Variants in GALNT13 observed in about 807,000 individuals in gnomAD.
GALNT13 encodes the protein polypeptide N-acetylgalactosaminyltransferase 13, also known as UDP-GalNAc:polypeptide N-acetylgalactosaminyltransferase 13.
Under a neutral mutation model 64.2 loss-of-function variants are expected in GALNT13, and 28 were observed. The observed-to-expected ratio is 0.44, with a 90% confidence interval of 0.32 to 0.60. GALNT13 has a LOEUF of 0.60. GALNT13 is among the 20% of genes least tolerant of loss of function. GALNT13 has a pLI of 0.05. For missense variants in GALNT13, 577 were observed against 669.8 expected (o/e 0.86, Z 1.53); for synonymous variants, 214 against 224.6 (o/e 0.95, Z 0.42).
At chr2:154,455,206 C>T (rs564081800), downstream of GALNT13, among the ~76,000 whole-genome samples, 2 of 152,230 alleles carry the variant, frequency 1.3e-5, no homozygotes, top group African/African-American at 2.4e-5. Context: ...TGAATTAGTT[C>T]GGTAAACCTC....
At chr2:153,489,163 C>T in the GALNT13 span, among the ~76,000 whole-genome samples, 1 of 152,052 alleles carries the variant, frequency 6.6e-6, no homozygotes. Flanking sequence ...AATTAATTAC[C>T]TATTAAATAA....
At chr2:153,896,672 A>G (rs748237249) in intron 1 of GALNT13, among the ~76,000 whole-genome samples, 1 of 152,050 alleles carries the variant, frequency 6.6e-6, no homozygotes, top group African/African-American at 2.4e-5. Context: ...TGTACAGATT[A>G]TATTGTCACC....
chr2:153,182,972 T>A, the GALNT13 span, among the ~76,000 whole-genome samples: 1 of 152,236 alleles, frequency 6.6e-6, no homozygotes, highest in African/African-American at 2.4e-5. Context: ...TTATGATTTA[T>A]ATTCCTTGGG....
intron 3 of GALNT13, among the ~76,000 whole-genome samples, chr2:154,087,162 G>T (rs1253902993): frequency 6.6e-6 from 1 of 151,268 alleles, no homozygotes; most frequent in African/African-American, 2.4e-5. Flanking sequence ...ACATATTTTT[G>T]TTCTTCTGAA....
the GALNT13 span, among the ~76,000 whole-genome samples, chr2:153,790,418 CTG>C: frequency 1.3e-5 from 2 of 150,490 alleles, no homozygotes; most frequent in Non-Finnish European, 3.0e-5. Flanking sequence ...TGTTAAAAAA[CTG>C]TCAATAAACT....
At chr2:153,443,012 A>T in the GALNT13 span, among the ~76,000 whole-genome samples, 1 of 152,126 alleles carries the variant, frequency 6.6e-6, no homozygotes, top group South Asian at 2.1e-4. Context: ...ACTGAGTTAG[A>T]CCACTTGGCT....
chr2:153,325,114 GTTTTTTTTTTTTTTTTT>G, the GALNT13 span, among the ~76,000 whole-genome samples: 4 of 72,634 alleles, frequency 5.5e-5, no homozygotes, highest in Admixed American at 1.7e-4. Context: ...CTGGACCTGG[GTTTTTTTTTTTTTTTTT>G]TTTTTTTTTT....
chr2:153,279,075 C>A, the GALNT13 span, among the ~76,000 whole-genome samples: 1 of 152,072 alleles, frequency 6.6e-6, no homozygotes, highest in African/African-American at 2.4e-5. Flanking sequence ...TGTGCACCAC[C>A]TTGGTTAGAG....
chr2:153,776,212 TA>T, the GALNT13 span, among the ~76,000 whole-genome samples: 5 of 152,318 alleles, frequency 3.3e-5, no homozygotes, highest in East Asian at 9.6e-4. Context: ...GTGTGCATTT[TA>T]AAAAGTGGTT....
chr2:153,626,297 C>T, the GALNT13 span, among the ~76,000 whole-genome samples: 2 of 151,988 alleles, frequency 1.3e-5, no homozygotes, highest in Non-Finnish European at 1.5e-5. Context: ...AATAGCAACA[C>T]AAAAGTGTTC....
At chr2:153,340,297 CTTTA>C in the GALNT13 span, among the ~76,000 whole-genome samples, 15 of 151,444 alleles carry the variant, frequency 9.9e-5, no homozygotes, top group South Asian at 2.1e-4. Flanking sequence ...CCTTTTGTAT[CTTTA>C]TTTATTTATT....
At chr2:154,163,595 C>G (rs958936468) in intron 4 of GALNT13, among the ~76,000 whole-genome samples, 1 of 152,064 alleles carries the variant, frequency 6.6e-6, no homozygotes, top group African/African-American at 2.4e-5. Context: ...TTCTATTTGG[C>G]CTACAGTAGC....
At chr2:153,687,106 T>G in the GALNT13 span, among the ~76,000 whole-genome samples, 12 of 151,900 alleles carry the variant, frequency 7.9e-5, no homozygotes, top group Non-Finnish European at 1.5e-4. Context: ...AGTTTTATTT[T>G]TGTGTGTGTG....
the GALNT13 span, among the ~76,000 whole-genome samples, chr2:153,433,137 TGAA>T: frequency 1.3e-5 from 2 of 152,124 alleles, no homozygotes; most frequent in African/African-American, 4.8e-5. Flanking sequence ...TGAGAGTAAA[TGAA>T]GAGACTATTT....
intron 11 of GALNT13, among the ~76,000 whole-genome samples, chr2:154,410,639 A>AT (rs966308864): frequency 3.3e-5 from 5 of 151,886 alleles, no homozygotes; most frequent in African/African-American, 1.2e-4. Context: ...AACACTGAAT[A>AT]TTTAACCCCA....
chr2:154,351,428 A>T (rs1273660413), intron 9 of GALNT13, among the ~76,000 whole-genome samples: 4 of 152,090 alleles, frequency 2.6e-5, no homozygotes, highest in African/African-American at 7.2e-5. Context: ...TCACGCCTGT[A>T]ATCCCAGCAC....
chr2:154,066,459 A>G (rs1700466885), intron 3 of GALNT13, among the ~76,000 whole-genome samples: 1 of 151,506 alleles, frequency 6.6e-6, no homozygotes, highest in South Asian at 2.1e-4. Flanking sequence ...GGTGAAAGAT[A>G]AAAAAAAGGA....
At chr2:153,790,514 T>C in the GALNT13 span, among the ~76,000 whole-genome samples, 1 of 152,178 alleles carries the variant, frequency 6.6e-6, no homozygotes, top group East Asian at 1.9e-4. Context: ...GGACAAAGGC[T>C]GGAAGTATTT....
chr2:153,611,471 C>T, the GALNT13 span, among the ~76,000 whole-genome samples: 2 of 151,936 alleles, frequency 1.3e-5, no homozygotes, highest in Non-Finnish European at 2.9e-5. Flanking sequence ...CAGGTTCAAG[C>T]AATTCTCCAG....
Sources: gnomAD v4.1 joint callset for allele counts (sites outside exome capture counted in the v4.1 genomes callset) on GRCh38, gnomAD v4.1.1 for gene constraint, MANE v1.5 for transcripts, NCBI Gene and HGNC (gene_info 2026-07-23, HGNC 2026-07-21) for gene names.